PARVA: variants seen among roughly 807,000 people sequenced by gnomAD.
PARVA encodes parvin alpha.
PARVA carries 25 observed loss-of-function variants against 52.6 expected under a neutral mutation model. That is an observed-to-expected ratio of 0.48 (90% CI 0.35 to 0.66). The LOEUF is 0.66. Among genes scored for constraint, PARVA ranks in the 30% least tolerant of loss-of-function variants. The pLI is 0.01. For missense variants in PARVA, 373 were observed against 450.9 expected, an observed-to-expected ratio of 0.83 and a Z score of 1.56; for synonymous variants, 185 against 179.1, an observed-to-expected ratio of 1.03 and a Z score of -0.26.
intron 1 of PARVA, among the ~76,000 whole-genome samples, chr11:12,403,078 C>T (rs1939852402): frequency 6.6e-6 from 1 of 152,242 alleles, no homozygotes; most frequent in Non-Finnish European, 1.5e-5. Flanking sequence ...CTGCCTCCTT[C>T]CCCACAGGGG....
intron 3 of PARVA, among the ~76,000 whole-genome samples, chr11:12,475,764 C>T (rs986593227): frequency 3.3e-5 from 5 of 152,220 alleles, no homozygotes; most frequent in Non-Finnish European, 7.3e-5. Flanking sequence ...GGCCGCCATG[C>T]AGCCCCTTGC....
chr11:12,412,924 TAAG>T (rs1396734053), intron 1 of PARVA, among the ~76,000 whole-genome samples: 1 of 152,196 alleles, frequency 6.6e-6, no homozygotes, highest in Non-Finnish European at 1.5e-5. Context: ...TTGAATTCTA[TAAG>T]AAGAGGGGAA....
chr11:12,502,176 C>G (rs1206908564), intron 5 of PARVA, among the ~76,000 whole-genome samples: 2 of 152,160 alleles, frequency 1.3e-5, no homozygotes, highest in East Asian at 3.9e-4. Flanking sequence ...GAGTTCAGAG[C>G]AGTTCAGCTT....
intron 1 of PARVA, among the ~76,000 whole-genome samples, chr11:12,399,065 T>G (rs1939789717): frequency 6.6e-6 from 1 of 152,238 alleles, no homozygotes; most frequent in African/African-American, 2.4e-5. Flanking sequence ...CCATAGTTAG[T>G]AAATGGTGGA....
intron 1 of PARVA, among the ~76,000 whole-genome samples, chr11:12,434,371 G>GT (rs1940358206): frequency 1.3e-5 from 2 of 152,132 alleles, no homozygotes; most frequent in African/African-American, 4.8e-5. Context: ...CGCCTGCTGG[G>GT]ACCCCCAGTA....
chr11:12,473,281 T>C (rs570895041), intron 1 of PARVA, among the ~76,000 whole-genome samples: 1 of 152,094 alleles, frequency 6.6e-6, no homozygotes. Flanking sequence ...AGGTGAGAAG[T>C]CAGAGGACGG....
chr11:12,484,314 T>C (rs1941128783), intron 4 of PARVA, among the ~76,000 whole-genome samples: 1 of 152,198 alleles, frequency 6.6e-6, no homozygotes, highest in Non-Finnish European at 1.5e-5. Flanking sequence ...TGACTGATCC[T>C]TATGTTTGAA....
chr11:12,435,874 G>T (rs564912900), intron 1 of PARVA, among the ~76,000 whole-genome samples: 10 of 152,288 alleles, frequency 6.6e-5, no homozygotes, highest in African/African-American at 9.6e-5. Context: ...CTGGAGTGCA[G>T]TGGCGTGATC....
At chr11:12,467,146 T>C (rs1270052326) in intron 1 of PARVA, among the ~76,000 whole-genome samples, 1 of 152,214 alleles carries the variant, frequency 6.6e-6, no homozygotes, top group Admixed American at 6.5e-5. Context: ...TGATACTGTG[T>C]TTTTAATTTT....
chr11:12,527,193 G>A (rs1356687611), intron 12 of PARVA, among the ~76,000 whole-genome samples: 1 of 152,074 alleles, frequency 6.6e-6, no homozygotes, highest in African/African-American at 2.4e-5. Context: ...TACCTGGAAA[G>A]CTCCTATTGC....
At chr11:12,447,284 G>T (rs1940560772) in intron 1 of PARVA, among the ~76,000 whole-genome samples, 1 of 152,150 alleles carries the variant, frequency 6.6e-6, no homozygotes, top group Non-Finnish European at 1.5e-5. Flanking sequence ...TGAGGGTGGG[G>T]TCAGGAGAGG....
Position 12,532,202 on chromosome 11 carries a change from C to G in PARVA, c.*4277C>G, listed in dbSNP as rs1380231849. Among the ~76,000 whole-genome samples the G allele has an allele frequency of 6.6e-6, 1 of 152,004 alleles. No homozygotes were observed. The highest frequency in any genetic ancestry group is 2.4e-5 in the African/African-American group (1 of 41,342). On this transcript the variant is annotated 3_prime_UTR_variant, in exon 13 of 13. Transcript: ENST00000334956. ...AGAACCTCAGGCTTCCCAGTAGGAT[C>G]CTGCAAGAAAGCATCTCTTAAAAAT...
intron 1 of PARVA, among the ~76,000 whole-genome samples, chr11:12,425,066 T>G (rs1940210542): frequency 6.6e-6 from 1 of 152,214 alleles, no homozygotes; most frequent in Admixed American, 6.5e-5. Context: ...AAGATCTTAT[T>G]TATATAACAT....
At chr11:12,482,480 G>A (rs914528593) in intron 4 of PARVA, among the ~76,000 whole-genome samples, 2 of 151,894 alleles carry the variant, frequency 1.3e-5, no homozygotes, top group Non-Finnish European at 2.9e-5. Flanking sequence ...ACAAAAATTA[G>A]CCAGGCGTGG....
At chr11:12,513,593 A>G (rs1251770442) in intron 9 of PARVA, 1 of 668,814 alleles carries the variant, frequency 1.5e-6, no homozygotes, top group African/African-American at 1.8e-5. Flanking sequence ...CACCCAGGCT[A>G]ACCCCAGCAA....
intron 1 of PARVA, among the ~76,000 whole-genome samples, chr11:12,390,115 A>T (rs1939636060): frequency 6.6e-6 from 1 of 152,186 alleles, no homozygotes; most frequent in Non-Finnish European, 1.5e-5. Context: ...TCTCTTGGTG[A>T]CATAAACCCA....
intron 1 of PARVA, among the ~76,000 whole-genome samples, chr11:12,415,302 A>G (rs1940050495): frequency 1.3e-5 from 2 of 152,206 alleles, no homozygotes; most frequent in African/African-American, 4.8e-5. Flanking sequence ...AAGAGTACAC[A>G]AAGTTTCGTG....
chr11:12,470,461 G>A (rs974550813), intron 1 of PARVA, among the ~76,000 whole-genome samples: 16 of 152,290 alleles, frequency 1.1e-4, no homozygotes, highest in African/African-American at 1.9e-4. Flanking sequence ...AGGCATGAGA[G>A]GTTGATGAAC....
rs540321587 is a variant in PARVA, at chr11:12,493,308, A to G, written c.401-3150A>G. Among the ~76,000 whole-genome samples the G allele has an allele frequency of 2.0e-5, 3 of 151,260 alleles. No homozygotes were observed. The South Asian group carries it at 6.3e-4, about 32-fold the overall frequency. ...GAGGCAGAGGTTGCAGTAAGCTGAG[A>G]TTGTGCCACTGCACTCCAGCTTGGG... On this transcript the variant is annotated intron_variant, in intron 4 of 12. Transcript: ENST00000334956.
Sources: gnomAD v4.1 joint callset for allele counts (sites outside exome capture counted in the v4.1 genomes callset) on GRCh38, gnomAD v4.1.1 for gene constraint, MANE v1.5 for transcripts, NCBI Gene and HGNC (gene_info 2026-07-23, HGNC 2026-07-21) for gene names.